ARMC1: variants seen among roughly 807,000 people sequenced by gnomAD.
The protein encoded by ARMC1 is armadillo repeat-containing protein 1.
ARMC1 carries 16 observed loss-of-function variants against 31.4 expected under a neutral mutation model. The ratio of observed to expected loss-of-function variants is 0.51; its 90% CI spans 0.34 to 0.77. ARMC1 has a LOEUF of 0.77. Among genes scored for constraint, ARMC1 ranks in the 30% least tolerant of loss-of-function variants. ARMC1 has a pLI of 0.01. For missense variants in ARMC1, 259 were observed against 347.5 expected (o/e 0.75, Z 2.02); for synonymous variants, 114 against 118.9 (o/e 0.96, Z 0.27).
chr8:65,611,087 T>C (rs1298790158), intron 4 of ARMC1, among the ~76,000 whole-genome samples: 1 of 151,760 alleles, frequency 6.6e-6, no homozygotes, highest in African/African-American at 2.4e-5. Flanking sequence ...GCCTACACTA[T>C]CACACCTGGC....
At chr8:65,605,844 G>C (rs1026672776) in intron 4 of ARMC1, among the ~76,000 whole-genome samples, 1 of 151,992 alleles carries the variant, frequency 6.6e-6, no homozygotes. Flanking sequence ...CACAACACAG[G>C]GGGAAAAAAT....
chr8:65,610,453 T>TG (rs71245489), intron 4 of ARMC1, among the ~76,000 whole-genome samples: 152,201 of 152,202 alleles, frequency 1, 76,100 homozygotes, highest in Non-Finnish European at 1. Context: ...CCCAACACTT[T>TG]GGAGACCAAA....
At chr8:65,624,268 G>A (rs935187829) in intron 2 of ARMC1, among the ~76,000 whole-genome samples, 2 of 151,258 alleles carry the variant, frequency 1.3e-5, no homozygotes, top group African/African-American at 2.4e-5. Flanking sequence ...GGAAGCTGAG[G>A]GGGGCAGATC....
rs2129040527 is a variant in ARMC1, at chr8:65,604,600, A to G, written c.658-15T>C. The G allele has an allele frequency of 6.2e-7, 1 of 1,606,298 alleles. No homozygotes were observed. Among genetic ancestry groups the G allele is most frequent in the East Asian group, 2.2e-5 (1 of 44,824 alleles). On this transcript the variant is annotated splice_polypyrimidine_tract_variant and intron_variant, in intron 6 of 6. Transcript: ENST00000276569. ...GGGACCAACATCTGATACAGAAAAT[A>G]TTGAGAGTTATTACAAAATCAACTT...
intron 4 of ARMC1, among the ~76,000 whole-genome samples, chr8:65,610,022 C>T (rs565198988): frequency 6.6e-6 from 1 of 152,092 alleles, no homozygotes; most frequent in Non-Finnish European, 1.5e-5. Flanking sequence ...AGGGGAACTT[C>T]CAGCTGCAGT....
intron 4 of ARMC1, among the ~76,000 whole-genome samples, chr8:65,607,224 T>G (rs1173821381): frequency 6.6e-6 from 1 of 152,272 alleles, no homozygotes; most frequent in African/African-American, 2.4e-5. Context: ...GACCCTGCTC[T>G]GCAGGGGCCT....
At chr8:65,628,591 C>T (rs1240208695) in intron 1 of ARMC1, among the ~76,000 whole-genome samples, 2 of 150,474 alleles carry the variant, frequency 1.3e-5, no homozygotes, top group East Asian at 4.1e-4. Flanking sequence ...GGCATGGTGG[C>T]TCATGCCTGT....
At chr8:65,608,336 G>A (rs1478445639) in intron 4 of ARMC1, among the ~76,000 whole-genome samples, 2 of 152,142 alleles carry the variant, frequency 1.3e-5, no homozygotes, top group Admixed American at 6.5e-5. Flanking sequence ...AGACCAGCCT[G>A]GCCAACATGG....
Position 65,603,563 on chromosome 8 carries a change from T to C in ARMC1, c.*831A>G, listed in dbSNP as rs1807938769. 1.3e-5 allele frequency: 2 copies of C among 152,152 alleles called. No homozygotes were observed. Among genetic ancestry groups the C allele is most frequent in the South Asian group, 4.1e-4 (2 of 4,834 alleles). The allele number at this position is 152,152 out of a possible 1,614,324, so 9.4% of individuals were successfully genotyped here. On this transcript the variant is annotated 3_prime_UTR_variant, in exon 7 of 7. Transcript: ENST00000276569. ...TTTTCTAGCCGGAGATAACGTATAA[T>C]CACAAAGTAAGGCCTAGAGACCATT... is the stretch of plus-strand genomic sequence containing the variant.
chr8:65,610,949 T>C (rs1808126053), intron 4 of ARMC1, among the ~76,000 whole-genome samples: 1 of 152,132 alleles, frequency 6.6e-6, no homozygotes, highest in Non-Finnish European at 1.5e-5. Context: ...CTTTTTTTTT[T>C]TTGAGATGGA....
chr8:65,614,395 C>G (rs1020233001), intron 3 of ARMC1, among the ~76,000 whole-genome samples: 1 of 152,144 alleles, frequency 6.6e-6, no homozygotes, highest in Non-Finnish European at 1.5e-5. Flanking sequence ...CTACTGAGCA[C>G]TTGAAATGTG....
At chr8:65,632,898 C>T (rs1320060326) in intron 1 of ARMC1, 1 of 152,224 alleles carries the variant, frequency 6.6e-6, no homozygotes, top group Non-Finnish European at 1.5e-5. Flanking sequence ...CTTTTTATAC[C>T]TTTACTTTCT....
intron 3 of ARMC1, among the ~76,000 whole-genome samples, chr8:65,616,179 C>T (rs1281291724): frequency 6.6e-6 from 1 of 152,240 alleles, no homozygotes; most frequent in Non-Finnish European, 1.5e-5. Context: ...CCCTCTGATG[C>T]CGAGCGGAAG....
chr8:65,627,799 A>T (rs1436813940), intron 1 of ARMC1, among the ~76,000 whole-genome samples: 8 of 152,366 alleles, frequency 5.3e-5, no homozygotes, highest in African/African-American at 1.7e-4. Context: ...GACTATTTCT[A>T]GCCCTAAAAC....
chr8:65,630,817 T>TAAA lies in ARMC1; in HGVS notation c.-36+3178_-36+3180dup, dbSNP rs71930161. On this transcript the variant is annotated intron_variant, in intron 1 of 6. Transcript: ENST00000276569. ...CTGGGCAACAGTGCCAGACTCCGTC[T>TAAA]AAAAAAAAAAATACAAACAAAAAAC... Among the ~76,000 whole-genome samples, 833 of 148,370 alleles carry TAAA rather than the reference T, an allele frequency of 5.6e-3. 2 individuals carry two copies. The highest frequency in any genetic ancestry group is 0.017 in the African/African-American group (692 of 40,448).
intron 2 of ARMC1, among the ~76,000 whole-genome samples, chr8:65,625,244 T>C (rs967356706): frequency 3.9e-5 from 6 of 152,226 alleles, no homozygotes; most frequent in Non-Finnish European, 5.9e-5. Flanking sequence ...TAGTATCTAC[T>C]GTATATCATT....
intron 4 of ARMC1, 48 bp downstream of exon 4, chr8:65,613,196 A>C: frequency 6.9e-7 from 1 of 1,444,638 alleles, no homozygotes; most frequent in Non-Finnish European, 9.3e-7. Context: ...GGCACTGAAG[A>C]AACTATTCAG....
chr8:65,605,678 G>T (rs538954400), intron 4 of ARMC1, 140 bp from the exon 5 acceptor site: 13 of 641,782 alleles, frequency 2.0e-5, no homozygotes, highest in African/African-American at 7.3e-5. Flanking sequence ...GGCACAGAGT[G>T]GGGGAGTGCT....
Position 65,602,823 on chromosome 8 carries a change from T to A in ARMC1, c.*1571A>T, listed in dbSNP as rs1807920154. ...GGTGCCCTGAAAGTTATTGTTGCTTTTTTTGTTTTTTTTTTTTCAGTTTGT... is the reference window on the plus strand; with the variant it reads ...GGTGCCCTGAAAGTTATTGTTGCTTATTTTGTTTTTTTTTTTTCAGTTTGT... On this transcript the variant is annotated 3_prime_UTR_variant, in exon 7 of 7. Coordinates refer to ENST00000276569, the MANE Select transcript of ARMC1 (RefSeq NM_018120.6). 1 of 133,780 alleles carries A rather than the reference T, an allele frequency of 7.5e-6. No individual in the cohort carries two copies. Among genetic ancestry groups the A allele is most frequent in the African/African-American group, 2.7e-5 (1 of 37,360 alleles). The allele number at this position is 133,780 out of a possible 1,614,324, so 8.3% of individuals were successfully genotyped here. A position where few individuals can be genotyped will look rare whatever the true frequency, so the allele number is the denominator to read the frequency against.
Sources: allele counts gnomAD v4.1 joint callset (sites outside exome capture counted in the v4.1 genomes callset), GRCh38; gene constraint gnomAD v4.1.1; transcripts MANE v1.5; gene names NCBI Gene and HGNC (gene_info 2026-07-23, HGNC 2026-07-21).